Variants in GTSE1 observed in about 807,000 individuals in gnomAD.
GTSE1 encodes the protein G2 and S-phase expressed 1, also known as G2 and S phase-expressed protein 1.
In GTSE1, 52 loss-of-function variants were observed where a neutral mutation model predicts 60.5. The observed-to-expected ratio is 0.86, with a 90% CI of 0.69 to 1.08. The LOEUF (loss-of-function observed/expected upper bound fraction) is 1.08. Ranked by LOEUF, GTSE1 falls within the 50% of genes least tolerant of loss-of-function variation. GTSE1 has a pLI of 0.00. For missense variants in GTSE1, 937 were observed against 961.8 expected, an observed-to-expected ratio of 0.97 and a Z score of 0.34; for synonymous variants, 368 against 386.5, an observed-to-expected ratio of 0.95 and a Z score of 0.56.
In GTSE1 at chr22:46,318,516, G is replaced by C. The variant is rs76361878; in HGVS notation, c.1432+2104G>C. Among the ~76,000 whole-genome samples, 6,422 of 152,246 alleles carry C rather than the reference G, an allele frequency of 0.042. 452 individuals are homozygous for C. The highest frequency in any genetic ancestry group is 0.15 in the African/African-American group (6,058 of 41,504). ...GCCTGCAGATCCTAGCACAACAAAG[G>C]GACTAAGGGAAGATGGTGTCCTGGA... On this transcript the variant is annotated intron_variant, in intron 7 of 11. Transcript: ENST00000454366. This position sits in a 1 kb window ranked among gnomAD's most constrained non-coding sequence, Gnocchi z 4.8.
Position 46,324,587 on chromosome 22 carries a change from T to C in GTSE1, c.1505+1325T>C, listed in dbSNP as rs1171941203. On this transcript the variant is annotated intron_variant, in intron 8 of 11. Transcript: ENST00000454366. The surrounding 1 kb of genome is among the most constrained non-coding windows in gnomAD (Gnocchi z 5.2). ...TTTCACCGTGTTAGCCAGGATGGTC[T>C]CGATCTCCTGGCCTCGTGATCCACC... is the stretch of plus-strand genomic sequence containing the variant. Among the ~76,000 whole-genome samples the C allele has an allele frequency of 6.6e-6, 1 of 152,156 alleles. No homozygotes were observed. The highest frequency in any genetic ancestry group is 1.5e-5 in the Non-Finnish European group (1 of 68,014).
chr22:46,303,563 T>C (rs1021506717), intron 2 of GTSE1, among the ~76,000 whole-genome samples: 2 of 152,214 alleles, frequency 1.3e-5, no homozygotes, highest in African/African-American at 2.4e-5. Flanking sequence ...TCCAGAACAG[T>C]GTTAAGAATT....
rs1162012059 is a variant in GTSE1, at chr22:46,320,005, GAA to G, written c.1433-3183_1433-3182del. Among the ~76,000 whole-genome samples the G allele has an allele frequency of 6.6e-6, 1 of 151,496 alleles. No homozygotes were observed. The highest frequency in any genetic ancestry group is 1.5e-5 in the Non-Finnish European group (1 of 67,874). Reference sequence around the variant, plus strand: ...CTCAAAAAAAAAAAAAAGAAAGAAAGAAAGAAAAGAAATGCGAGCTGTGATTG... The same window carrying G: ...CTCAAAAAAAAAAAAAAGAAAGAAAGAGAAAAGAAATGCGAGCTGTGATTG... On this transcript the variant is annotated intron_variant, in intron 7 of 11. Transcript: ENST00000454366. The surrounding 1 kb of genome is among the most constrained non-coding windows in gnomAD (Gnocchi z 7.1).
At chr22:46,315,493 C>A (rs1008952005) in intron 6 of GTSE1, among the ~76,000 whole-genome samples, 5 of 95,378 alleles carry the variant, frequency 5.2e-5, no homozygotes, top group African/African-American at 3.7e-4. Context: ...CACTCCTGGG[C>A]TAAAGTTTTT....
At position 46,309,907 on chromosome 22, in the gene GTSE1, G is replaced by A. The variant is rs572985963; in HGVS notation, c.762+964G>A. On this transcript the variant is annotated intron_variant, in intron 4 of 11. Transcript: ENST00000454366. The surrounding 1 kb of genome is among the most constrained non-coding windows in gnomAD (Gnocchi z 6.2). ...TGCTGTGTGGAGCACACGTGGACTC[G>A]GGACAGGGATTGTGCATGTAGCACG... 3.0e-4 allele frequency among the ~76,000 whole-genome samples: 45 copies of A among 152,320 alleles called. No homozygotes were observed. The highest frequency in any genetic ancestry group is 1.0e-3 in the African/African-American group (42 of 41,572).
Position 46,329,971 on chromosome 22 carries a change from C to A in GTSE1, c.2137-76C>A. ...GAGTGGCTGTGATGACCCACGCAGC[C>A]AGTCCTCTGTGCAGGGAGGGGAAGG... is the stretch of plus-strand genomic sequence containing the variant. On this transcript the variant is annotated intron_variant, in intron 11 of 11. Transcript: ENST00000454366. This position sits in a 1 kb window ranked among gnomAD's most constrained non-coding sequence, Gnocchi z 6.4. 1 of 900,152 alleles carries A rather than the reference C, an allele frequency of 1.1e-6. No homozygotes were observed. Among genetic ancestry groups the A allele is most frequent in the South Asian group, 1.3e-5 (1 of 75,710 alleles). The allele number at this position is 900,152 out of a possible 1,614,324, so 55.8% of individuals were successfully genotyped here. A position where few individuals can be genotyped will look rare whatever the true frequency, so the allele number is the denominator to read the frequency against.
At chr22:46,323,126 C>A in intron 7 of GTSE1, 64 bp from the exon 8 acceptor site, 1 of 1,039,884 alleles carries the variant, frequency 9.6e-7, no homozygotes, top group South Asian at 1.3e-5. Flanking sequence ...CGGTGACGAT[C>A]CCCCAACAGT....
rs1055759077 is a variant in GTSE1, at chr22:46,318,196, C to T, written c.1432+1784C>T. On this transcript the variant is annotated intron_variant, in intron 7 of 11. Coordinates refer to ENST00000454366, the MANE Select transcript of GTSE1 (RefSeq NM_016426.7). The surrounding 1 kb of genome is among the most constrained non-coding windows in gnomAD (Gnocchi z 4.8). ...ATTTCTTGAACAATTGTGTGCAATG[C>T]AGAAAGTTCTCAGAGCTGACTTAAG... is the stretch of plus-strand genomic sequence containing the variant. 6.6e-6 allele frequency among the ~76,000 whole-genome samples: 1 copy of T among 152,204 alleles called. No individual in the cohort carries two copies. The highest frequency in any genetic ancestry group is 1.5e-5 in the Non-Finnish European group (1 of 68,042).
In GTSE1 at chr22:46,304,634, A is replaced by G. The variant is rs2077706547; in HGVS notation, c.80-3516A>G. Among the ~76,000 whole-genome samples the G allele has an allele frequency of 6.6e-6, 1 of 152,186 alleles. No homozygotes were observed. Among genetic ancestry groups the G allele is most frequent in the African/African-American group, 2.4e-5 (1 of 41,438 alleles). ...GCAGGGAGCTTGGTTGTGTTATGTT[A>G]TTACCACTTTAATGTTTGCAGGATT... is the stretch of plus-strand genomic sequence containing the variant. On this transcript the variant is annotated intron_variant, in intron 2 of 11. Coordinates refer to ENST00000454366, the MANE Select transcript of GTSE1 (RefSeq NM_016426.7). The surrounding 1 kb of genome is among the most constrained non-coding windows in gnomAD (Gnocchi z 4.4).
At chr22:46,323,906 A>G (rs1385044051) in intron 8 of GTSE1, among the ~76,000 whole-genome samples, 1 of 151,822 alleles carries the variant, frequency 6.6e-6, no homozygotes, top group Non-Finnish European at 1.5e-5. Context: ...GTTAGCCAGG[A>G]TGGTCTCGAT....
At chr22:46,326,687 A>C in intron 9 of GTSE1, 33 bp downstream of exon 9, 3 of 1,496,214 alleles carry the variant, frequency 2.0e-6, no homozygotes, top group Non-Finnish European at 1.8e-6. Context: ...AATTGGTCTC[A>C]AATTCCTAGG....
chr22:46,322,290 C>T (rs1048797737), intron 7 of GTSE1, among the ~76,000 whole-genome samples: 6 of 152,096 alleles, frequency 3.9e-5, no homozygotes, highest in Non-Finnish European at 8.8e-5. Context: ...GCAGCCTGGA[C>T]CCTCGCCTGG....
chr22:46,326,535 C>G lies in GTSE1; in HGVS notation c.1605C>G (p.Ser535Arg). 1 of 1,614,114 alleles carries G rather than the reference C, an allele frequency of 6.2e-7. No homozygotes were observed. The highest frequency in any genetic ancestry group is 8.5e-7 in the Non-Finnish European group (1 of 1,179,972). ...WRVSALPTPASRRCSGLPPMT... is the reference protein window; with the variant it reads ...WRVSALPTPARRRCSGLPPMT... ...TGTCAGCCTTGCCCACACCCGCCAGCCGGCGCTGCTCTGGCCTTCCACCGA... is the reference window on the plus strand; with the variant it reads ...TGTCAGCCTTGCCCACACCCGCCAGGCGGCGCTGCTCTGGCCTTCCACCGA... Residue 535 changes from serine to arginine, a missense_variant, in exon 9 of 12, where the codon AGC becomes AGG. By Grantham distance (110) the Ser-to-Arg change is moderately radical. Transcript: ENST00000454366.
Position 46,329,203 on chromosome 22 carries a change from C to A in GTSE1, c.1927-155C>A. 1 of 724,700 alleles carries A rather than the reference C, an allele frequency of 1.4e-6. No individual in the cohort carries two copies. Among genetic ancestry groups the A allele is most frequent in the Non-Finnish European group, 2.5e-6 (1 of 407,530 alleles). The allele number at this position is 724,700 out of a possible 1,614,324, so 44.9% of individuals were successfully genotyped here. On this transcript the variant is annotated intron_variant, in intron 10 of 11. Transcript: ENST00000454366. This position sits in a 1 kb window ranked among gnomAD's most constrained non-coding sequence, Gnocchi z 6.4. Reference sequence around the variant, plus strand: ...GGGCAACAGTCAGAGAGGCACGGCCCACCCCATACAGAGCCTCCTTCCACC... The same window carrying A: ...GGGCAACAGTCAGAGAGGCACGGCCAACCCCATACAGAGCCTCCTTCCACC...
At position 46,310,334 on chromosome 22, in the gene GTSE1, G is replaced by A. The variant is rs1418669691; in HGVS notation, c.762+1391G>A. ...AGGATGAGGAGAAGGCTGAGGATGT[G>A]GAGAAGCTGGAAGCTCACGCATTGC... On this transcript the variant is annotated intron_variant, in intron 4 of 11. Transcript: ENST00000454366. This position sits in a 1 kb window ranked among gnomAD's most constrained non-coding sequence, Gnocchi z 4.4. 1.3e-5 allele frequency among the ~76,000 whole-genome samples: 2 copies of A among 152,182 alleles called. No homozygotes were observed. The highest frequency in any genetic ancestry group is 4.8e-5 in the African/African-American group (2 of 41,436).
Position 46,317,623 on chromosome 22 carries a change from G to T in GTSE1, c.1432+1211G>T, listed in dbSNP as rs182307709. Among the ~76,000 whole-genome samples, 14 of 152,298 alleles carry T rather than the reference G, an allele frequency of 9.2e-5. No individual in the cohort carries two copies. The highest frequency in any genetic ancestry group is 1.5e-5 in the Non-Finnish European group (1 of 68,028). ...CACTTTTGAATGTCTGGATTTTGTTGTCTTTCTCTGAGGAGTTGGGTTGGG... is the reference window on the plus strand; with the variant it reads ...CACTTTTGAATGTCTGGATTTTGTTTTCTTTCTCTGAGGAGTTGGGTTGGG... On this transcript the variant is annotated intron_variant, in intron 7 of 11. Transcript: ENST00000454366. The surrounding 1 kb of genome is among the most constrained non-coding windows in gnomAD (Gnocchi z 5.6).
In GTSE1 at chr22:46,310,397, A is replaced by G. The variant is rs1486860218; in HGVS notation, c.762+1454A>G. 1.3e-5 allele frequency among the ~76,000 whole-genome samples: 2 copies of G among 152,142 alleles called. No individual in the cohort carries two copies. Among genetic ancestry groups the G allele is most frequent in the Admixed American group, 1.3e-4 (2 of 15,264 alleles). ...GAAATGGGGCAGCTGTTGTGGAAAC[A>G]GTTTGGCAGCTCCTCAAAAAAATAA... On this transcript the variant is annotated intron_variant, in intron 4 of 11. Transcript: ENST00000454366. This position sits in a 1 kb window ranked among gnomAD's most constrained non-coding sequence, Gnocchi z 4.4.
At position 46,310,052 on chromosome 22, in the gene GTSE1, A is replaced by G. The variant is rs549097411; in HGVS notation, c.762+1109A>G. ...TCCAGAGAGCTTGTTCCCAGTGGAC[A>G]GGGCACTGTCCGCACAGCTGAGATG... is the stretch of plus-strand genomic sequence containing the variant. On this transcript the variant is annotated intron_variant, in intron 4 of 11. Transcript: ENST00000454366. This position sits in a 1 kb window ranked among gnomAD's most constrained non-coding sequence, Gnocchi z 4.4. Among the ~76,000 whole-genome samples the G allele has an allele frequency of 1.3e-5, 2 of 152,326 alleles. No homozygotes were observed. The highest frequency in any genetic ancestry group is 4.8e-5 in the African/African-American group (2 of 41,586).
At chr22:46,308,969 C>G in intron 4 of GTSE1, 26 bp downstream of exon 4, 7 of 1,581,372 alleles carry the variant, frequency 4.4e-6, no homozygotes, top group Non-Finnish European at 4.3e-6. Context: ...GAGCGCCTGC[C>G]TGGGGAGCCC....
Sources: allele counts gnomAD v4.1 joint callset (sites outside exome capture counted in the v4.1 genomes callset), GRCh38; gene constraint gnomAD v4.1.1; non-coding constraint Gnocchi (gnomAD v3.1); transcripts MANE v1.5; gene names NCBI Gene and HGNC (gene_info 2026-07-23, HGNC 2026-07-21).